CHAC1: variants seen among roughly 807,000 people sequenced by gnomAD.
CHAC1 encodes the protein ChaC glutathione specific gamma-glutamylcyclotransferase 1.
In CHAC1, 22 loss-of-function variants were observed where a neutral mutation model predicts 22.1. The observed-to-expected ratio is 1.00, with a 90% CI of 0.71 to 1.42. CHAC1 has a LOEUF of 1.42. CHAC1 is among the 40% of genes most tolerant of loss of function. The probability of loss-of-function intolerance (pLI) is 0.00; values close to 1 mark genes in which losing one functional copy is unlikely to be tolerated. For synonymous variants in CHAC1, 145 were observed against 128.7 expected, an observed-to-expected ratio of 1.13 and a Z score of -0.86; for missense variants, 272 against 299.2, an observed-to-expected ratio of 0.91 and a Z score of 0.67.
chr15:40,953,488 G>A lies in CHAC1; in HGVS notation c.-96G>A, dbSNP rs562894735. 1.4e-5 allele frequency: 21 copies of A among 1,527,548 alleles called. No homozygotes were observed. In the South Asian group the frequency reaches 2.1e-4, roughly 15 times the overall value. 94.6% of individuals were successfully genotyped at this position (1,527,548 alleles called of 1,614,324 possible). On this transcript the variant is annotated 5_prime_UTR_variant, in exon 1 of 3. Coordinates refer to ENST00000617768, the MANE Select transcript of CHAC1 (RefSeq NM_024111.6). ...GGGCGCTCAGCTGGAGCTACCGAGC[G>A]GTGCCAGGCCAGGTGTGTGCGTCCG...
At position 40,956,208 on chromosome 15, in the gene CHAC1, T is replaced by C. The variant is rs144776380; in HGVS notation, c.*434T>C. The C allele has an allele frequency of 3.3e-4, 56 of 171,478 alleles. No homozygotes were observed. The East Asian group carries it at 8.3e-3, about 25-fold the overall frequency. The allele number at this position is 171,478 out of a possible 1,614,324, so 10.6% of individuals were successfully genotyped here. ...CCACCTGCCAAGGATCCCAGCAGGC[T>C]GGATGAGGGATAGTAGGGCATGAGG... is the stretch of plus-strand genomic sequence containing the variant. On this transcript the variant is annotated 3_prime_UTR_variant, in exon 3 of 3. Transcript: ENST00000617768.
rs1358984406 is a variant in CHAC1 at position 40,953,725 on chromosome 15, G to A, written c.142G>A (p.Ala48Thr). 4 of 1,604,210 alleles carry A rather than the reference G, an allele frequency of 2.5e-6. No individual in the cohort carries two copies. The highest frequency in any genetic ancestry group is 3.4e-6 in the Non-Finnish European group (4 of 1,179,928). ...YGSLVWRPDF[A>T]YSDSRVGFVR... Reference sequence around the variant, plus strand: ...CTCCCTGGTGTGGAGGCCCGACTTCGCCTACAGCGACAGCCGTGTGGGCTT... The same window carrying A: ...CTCCCTGGTGTGGAGGCCCGACTTCACCTACAGCGACAGCCGTGTGGGCTT... The change falls in exon 1 of 3, where the codon GCC becomes ACC. Residue 48 changes from alanine (A) to threonine (T), a missense_variant. By Grantham distance (58) the Ala-to-Thr change is moderately conservative (BLOSUM62 0). Transcript: ENST00000617768.
chr15:40,955,589 G>A lies in CHAC1; in HGVS notation c.484G>A (p.Ala162Thr). 1.2e-6 allele frequency: 2 copies of A among 1,614,036 alleles called. No individual in the cohort carries two copies. The highest frequency in any genetic ancestry group is 1.1e-5 in the South Asian group (1 of 91,086). Residue 162 changes from alanine (A) to threonine (T), a missense_variant, in exon 3 of 3, where the codon GCC becomes ACC. Coordinates refer to ENST00000617768, the MANE Select transcript of CHAC1 (RefSeq NM_024111.6). ...YLGPAPEEAI[A>T]TQILACRGFS... is the part of the protein sequence containing the mutation. The stretch of plus-strand genomic sequence containing the variant: ...GGGCCCTGCGCCTGAAGAGGCCATT[G>A]CCACGCAGATCCTGGCCTGCCGGGG...
Position 40,956,068 on chromosome 15 carries a change from T to G in CHAC1, c.*294T>G. The stretch of plus-strand genomic sequence containing the variant: ...GGCCCCATCCTGGAACTTGACCAGA[T>G]TCCCCCCAGTGCTGCTGCTAACCCC... On this transcript the variant is annotated 3_prime_UTR_variant, in exon 3 of 3. Coordinates refer to ENST00000617768, the MANE Select transcript of CHAC1 (RefSeq NM_024111.6). 1.1e-5 allele frequency: 4 copies of G among 348,348 alleles called. No individual in the cohort carries two copies. The highest frequency in any genetic ancestry group is 1.6e-5 in the Non-Finnish European group (3 of 189,868). 21.6% of individuals were successfully genotyped at this position (348,348 alleles called of 1,614,324 possible). A position where few individuals can be genotyped will look rare whatever the true frequency, so the allele number is the denominator to read the frequency against.
chr15:40,953,868 G>C, intron 1 of CHAC1, 54 bp downstream of exon 1: 1 of 1,384,270 alleles, frequency 7.2e-7, no homozygotes, highest in African/African-American at 1.4e-5. Flanking sequence ...GGGATACTGG[G>C]CGCCAGTGCC....
In CHAC1 at chr15:40,954,210, T is replaced by C; in HGVS notation, c.232-18T>C. 1 of 1,613,884 alleles carries C rather than the reference T, an allele frequency of 6.2e-7. No homozygotes were observed. Among genetic ancestry groups the C allele is most frequent in the Non-Finnish European group, 8.5e-7 (1 of 1,179,844 alleles). ...GATTTCTAACTTGTCTATTTCAAAA[T>C]ATTTCTTCCCTCCCTAGCCTGGCCG... is the stretch of plus-strand genomic sequence containing the variant. On this transcript the variant is annotated intron_variant, in intron 1 of 2. Transcript: ENST00000617768.
Position 40,956,014 on chromosome 15 carries a change from C to A in CHAC1, c.*240C>A. The A allele has an allele frequency of 1.9e-6, 1 of 528,568 alleles. No individual in the cohort carries two copies. Among genetic ancestry groups the A allele is most frequent in the East Asian group, 3.2e-5 (1 of 31,632 alleles). 32.7% of individuals were successfully genotyped at this position (528,568 alleles called of 1,614,324 possible). A position where few individuals can be genotyped will look rare whatever the true frequency, so the allele number is the denominator to read the frequency against. Reference sequence around the variant, plus strand: ...GTGTGGTGGGCAGGTGGAGGGCCTGCCCTGGACACAGGGGCCCTGCTGAGC... The same window carrying A: ...GTGTGGTGGGCAGGTGGAGGGCCTGACCTGGACACAGGGGCCCTGCTGAGC... On this transcript the variant is annotated 3_prime_UTR_variant, in exon 3 of 3. Transcript: ENST00000617768.
intron 2 of CHAC1, 133 bp downstream of exon 2, chr15:40,954,396 C>T: frequency 1.1e-6 from 1 of 878,888 alleles, no homozygotes. Context: ...TGTTCTAGCT[C>T]AGTGCTTCTC....
intron 2 of CHAC1, among the ~76,000 whole-genome samples, chr15:40,954,538 A>T (rs1893184907): frequency 6.6e-6 from 1 of 151,846 alleles, no homozygotes; most frequent in African/African-American, 2.4e-5. Context: ...TTGAGGAGGA[A>T]TCCTGTCTTC....
intron 1 of CHAC1, 145 bp downstream of exon 1, chr15:40,953,959 T>C: frequency 1.4e-6 from 1 of 713,780 alleles, no homozygotes; most frequent in Non-Finnish European, 2.3e-6. Flanking sequence ...TTTAAATGTA[T>C]GTGCCCAGTG....
chr15:40,954,334 C>T (rs374917918), intron 2 of CHAC1, 71 bp downstream of exon 2: 894 of 1,504,592 alleles, frequency 5.9e-4, no homozygotes, highest in Non-Finnish European at 7.8e-4. Flanking sequence ...AGCTCATAGG[C>T]TCTTGGCTGC....
At position 40,955,558 on chromosome 15, in the gene CHAC1, T is replaced by C; in HGVS notation, c.453T>C (p.Gly151=). The C allele has an allele frequency of 6.2e-7, 1 of 1,614,128 alleles. No homozygotes were observed. The highest frequency in any genetic ancestry group is 1.3e-5 in the African/African-American group (1 of 75,066). ...ATGTGGCCACCCCACAGAACCCTGG[T>C]TACCTGGGCCCTGCGCCTGAAGAGG... ...LAYVATPQNP[G]YLGPAPEEAI... Residue 151 remains glycine, a synonymous_variant, in exon 3 of 3, where the codon GGT becomes GGC. Coordinates refer to ENST00000617768, the MANE Select transcript of CHAC1 (RefSeq NM_024111.6).
rs183722181 is a variant in CHAC1, at chr15:40,954,484, C to A, written c.267+221C>A. 1.3e-3 allele frequency among the ~76,000 whole-genome samples: 192 copies of A among 152,260 alleles called. 1 individual carries two copies. The highest frequency in any genetic ancestry group is 4.4e-3 in the African/African-American group (183 of 41,540). Reference sequence around the variant, plus strand: ...AGAATGGGTCCTGAGACACAGCATTCCTAACTAGCTTACAGGTGATGCCAC... The same window carrying A: ...AGAATGGGTCCTGAGACACAGCATTACTAACTAGCTTACAGGTGATGCCAC... On this transcript the variant is annotated intron_variant, in intron 2 of 2. Coordinates refer to ENST00000617768, the MANE Select transcript of CHAC1 (RefSeq NM_024111.6).
Position 40,953,830 on chromosome 15 carries a change from T to C in CHAC1, c.231+16T>C, listed in dbSNP as rs781491900. On this transcript the variant is annotated intron_variant, in intron 1 of 2. Transcript: ENST00000617768. ...CGACAAGATGGTGAGCATCCAACCGTGCCCAGGGGAGTGAGGGGGTTGGGG... is the reference window on the plus strand; with the variant it reads ...CGACAAGATGGTGAGCATCCAACCGCGCCCAGGGGAGTGAGGGGGTTGGGG... The C allele has an allele frequency of 1.9e-6, 3 of 1,561,802 alleles. No individual in the cohort carries two copies. The East Asian group carries it at 6.8e-5, about 35-fold the overall frequency.
intron 1 of CHAC1, 51 bp downstream of exon 1, chr15:40,953,865 T>C (rs1263700066): frequency 1.4e-6 from 2 of 1,385,816 alleles, no homozygotes; most frequent in Non-Finnish European, 2.0e-6. Flanking sequence ...GGCGGGATAC[T>C]GGGCGCCAGT....
At chr15:40,954,915 CT>C (rs60132729) in intron 2 of CHAC1, among the ~76,000 whole-genome samples, 102 of 139,800 alleles carry the variant, frequency 7.3e-4, no homozygotes, top group African/African-American at 1.9e-3. Flanking sequence ...TCAACTATGC[CT>C]TTTTTTTTTT....
In CHAC1 at chr15:40,955,764, CGCTGGTGTGAGGG is replaced by C; in HGVS notation, c.664_*7del. 1 of 1,593,990 alleles carries C rather than the reference CGCTGGTGTGAGGG, an allele frequency of 6.3e-7. No homozygotes were observed. Among genetic ancestry groups the C allele is most frequent in the Non-Finnish European group, 8.5e-7 (1 of 1,175,880 alleles). On this transcript the variant is annotated stop_lost and 3_prime_UTR_variant, in exon 3 of 3. Transcript: ENST00000617768. Reference sequence around the variant, plus strand: ...TTCTGCCCCACCGAGCAGGCTCTGGCGCTGGTGTGAGGGGCTGAGCCCCTGCGGGGAGTGCTCA... The same window carrying C: ...TTCTGCCCCACCGAGCAGGCTCTGGCGCTGAGCCCCTGCGGGGAGTGCTCA...
Position 40,953,738 on chromosome 15 carries a change from G to T in CHAC1, c.155G>T (p.Ser52Ile). 6.2e-7 allele frequency: 1 copy of T among 1,602,890 alleles called. No individual in the cohort carries two copies. ...AGGCCCGACTTCGCCTACAGCGACA[G>T]CCGTGTGGGCTTCGTGCGCGGCTAC... ...VWRPDFAYSD[S>I]RVGFVRGYSR... The change falls in exon 1 of 3, where the codon AGC (serine) becomes ATC (isoleucine). Residue 52 changes from serine (S) to isoleucine (I), a missense_variant. By Grantham distance (142) the Ser-to-Ile change is moderately radical. Coordinates refer to ENST00000617768, the MANE Select transcript of CHAC1 (RefSeq NM_024111.6).
In CHAC1 at chr15:40,955,369, C is replaced by T; in HGVS notation, c.268-4C>T. The T allele has an allele frequency of 1.9e-6, 3 of 1,613,436 alleles. No homozygotes were observed. Among genetic ancestry groups the T allele is most frequent in the Non-Finnish European group, 2.5e-6 (3 of 1,179,670 alleles). ...TGACCCCGGGTGTCCCTATTTCTTCCCAGGGCTGCACTTGGGGCGTGGCAT... is the reference window on the plus strand; with the variant it reads ...TGACCCCGGGTGTCCCTATTTCTTCTCAGGGCTGCACTTGGGGCGTGGCAT... On this transcript the variant is annotated splice_polypyrimidine_tract_variant and splice_region_variant and intron_variant, in intron 2 of 2. Transcript: ENST00000617768.
Sources: gnomAD v4.1 joint callset for allele counts (sites outside exome capture counted in the v4.1 genomes callset) on GRCh38, gnomAD v4.1.1 for gene constraint, MANE v1.5 for transcripts, NCBI Gene and HGNC (gene_info 2026-07-23, HGNC 2026-07-21) for gene names.